ATP8A1: variants seen among roughly 807,000 people sequenced by gnomAD.
The protein encoded by ATP8A1 is phospholipid-transporting ATPase IA.
Under a neutral mutation model 177.7 loss-of-function variants are expected in ATP8A1, and 90 were observed. The observed-to-expected ratio is 0.51, with a 90% confidence interval of 0.43 to 0.60. The LOEUF is 0.60. Among genes scored for constraint, ATP8A1 ranks in the 20% least tolerant of loss-of-function variants. The pLI, the probability that ATP8A1 is intolerant of heterozygous loss-of-function variation, is 0.00. For synonymous variants in ATP8A1, 493 were observed against 485.9 expected (o/e 1.01, Z -0.19); for missense variants, 1,072 against 1,392.8 (o/e 0.77, Z 3.67).
At chr4:42,530,779 G>A (rs1361950150) in intron 20 of ATP8A1, among the ~76,000 whole-genome samples, 1 of 152,194 alleles carries the variant, frequency 6.6e-6, no homozygotes. Flanking sequence ...CTCTGAATCA[G>A]CATCCAATAT....
intron 29 of ATP8A1, among the ~76,000 whole-genome samples, chr4:42,452,557 G>A (rs887533511): frequency 1.2e-4 from 18 of 152,152 alleles, no homozygotes; most frequent in East Asian, 5.8e-4. Flanking sequence ...ATATATACTC[G>A]TTATAGCCAG....
At chr4:42,447,868 A>C (rs1208354083) in intron 30 of ATP8A1, among the ~76,000 whole-genome samples, 2 of 152,136 alleles carry the variant, frequency 1.3e-5, no homozygotes, top group East Asian at 3.9e-4. Flanking sequence ...TTTTGAAGTG[A>C]CAATGAAGTT....
At chr4:42,516,266 T>C (rs1287316040) in intron 22 of ATP8A1, among the ~76,000 whole-genome samples, 1 of 152,172 alleles carries the variant, frequency 6.6e-6, no homozygotes, top group Non-Finnish European at 1.5e-5. Context: ...ACAACATTGC[T>C]ATCTGATCAA....
At chr4:42,528,160 C>G (rs367869476) in intron 20 of ATP8A1, among the ~76,000 whole-genome samples, 23 of 152,208 alleles carry the variant, frequency 1.5e-4, no homozygotes, top group African/African-American at 5.5e-4. Context: ...GGTCTCCGGG[C>G]TCATCCTGTG....
chr4:42,507,780 TA>T, intron 22 of ATP8A1, among the ~76,000 whole-genome samples: 58 of 17,694 alleles, frequency 3.3e-3, no homozygotes, highest in African/African-American at 6.6e-3. Flanking sequence ...ACAGGCATTC[TA>T]AAAAAAAAAA....
At chr4:42,429,088 CAG>C (rs1560313555) in intron 33 of ATP8A1, among the ~76,000 whole-genome samples, 1 of 152,158 alleles carries the variant, frequency 6.6e-6, no homozygotes, top group Non-Finnish European at 1.5e-5. Flanking sequence ...CTATGAAAAA[CAG>C]AGCCTGGGGA....
intron 25 of ATP8A1, among the ~76,000 whole-genome samples, chr4:42,481,674 C>T (rs1320795540): frequency 6.6e-6 from 1 of 152,198 alleles, no homozygotes; most frequent in South Asian, 2.1e-4. Context: ...AGTCTTAGAA[C>T]AAGCTTTTTT....
chr4:42,494,390 G>A (rs766998227), intron 24 of ATP8A1, among the ~76,000 whole-genome samples: 70 of 152,032 alleles, frequency 4.6e-4, no homozygotes, highest in African/African-American at 1.3e-3. Context: ...CACGAGAATC[G>A]CTTGAACCTG....
intron 6 of ATP8A1, among the ~76,000 whole-genome samples, chr4:42,591,601 A>G (rs1312450368): frequency 2.6e-5 from 4 of 152,178 alleles, no homozygotes; most frequent in Non-Finnish European, 4.4e-5. Context: ...AAATTTTTTC[A>G]GAGAGGGTAT....
At chr4:42,533,755 C>G (rs1727505621) in intron 20 of ATP8A1, among the ~76,000 whole-genome samples, 2 of 152,174 alleles carry the variant, frequency 1.3e-5, no homozygotes, top group South Asian at 4.1e-4. Context: ...ACCAAGGACC[C>G]TCTCCAAGTC....
At chr4:42,526,829 G>A (rs1367656059) in intron 20 of ATP8A1, among the ~76,000 whole-genome samples, 1 of 152,152 alleles carries the variant, frequency 6.6e-6, no homozygotes, top group African/African-American at 2.4e-5. Context: ...TCTTTCATTG[G>A]TTTTGGGGTT....
At chr4:42,505,711 T>C (rs1051054319) in intron 23 of ATP8A1, among the ~76,000 whole-genome samples, 1 of 152,194 alleles carries the variant, frequency 6.6e-6, no homozygotes, top group African/African-American at 2.4e-5. Flanking sequence ...TGCTAATACT[T>C]CTAAAATAAA....
At chr4:42,527,960 C>T (rs1003740565) in intron 20 of ATP8A1, among the ~76,000 whole-genome samples, 8 of 152,194 alleles carry the variant, frequency 5.3e-5, no homozygotes, top group Non-Finnish European at 1.2e-4. Flanking sequence ...GGCCTTTTAC[C>T]AGGGTAACTT....
At chr4:42,481,804 C>T (rs1409340286) in intron 25 of ATP8A1, among the ~76,000 whole-genome samples, 2 of 152,248 alleles carry the variant, frequency 1.3e-5, no homozygotes, top group East Asian at 3.9e-4. Flanking sequence ...CTATAACTTT[C>T]ATTTATTCTC....
intron 35 of ATP8A1, chr4:42,414,987 A>T (rs544825300): frequency 2.4e-6 from 1 of 411,732 alleles, no homozygotes; most frequent in Non-Finnish European, 4.4e-6. Context: ...CCCCCCACTC[A>T]GTTATATTTA....
intron 20 of ATP8A1, among the ~76,000 whole-genome samples, chr4:42,543,306 A>G (rs575910539): frequency 3.9e-5 from 6 of 152,300 alleles, no homozygotes; most frequent in African/African-American, 1.4e-4. Context: ...AAATGGAAAG[A>G]ACAGTTCAGA....
intron 1 of ATP8A1, among the ~76,000 whole-genome samples, chr4:42,652,227 C>T (rs892671040): frequency 6.6e-6 from 1 of 152,130 alleles, no homozygotes; most frequent in Non-Finnish European, 1.5e-5. Context: ...TTTTCTCAAC[C>T]AGTCAAGCTC....
chr4:42,484,442 T>A (rs1722000212), intron 25 of ATP8A1, among the ~76,000 whole-genome samples: 1 of 152,142 alleles, frequency 6.6e-6, no homozygotes. Flanking sequence ...GCTAAAATGA[T>A]GCTTATAAAG....
intron 5 of ATP8A1, among the ~76,000 whole-genome samples, chr4:42,614,255 CTCTACTGTACTATG>C (rs1179807588): frequency 6.6e-6 from 1 of 152,130 alleles, no homozygotes. Context: ...GTGACCACAC[CTCTACTGTACTATG>C]TCAACTTCTT....
Sources: gnomAD v4.1 joint callset for allele counts (sites outside exome capture counted in the v4.1 genomes callset) on GRCh38, gnomAD v4.1.1 for gene constraint, MANE v1.5 for transcripts, NCBI Gene and HGNC (gene_info 2026-07-23, HGNC 2026-07-21) for gene names.